Variants in KLHL32 observed in about 807,000 individuals in gnomAD.
The protein encoded by KLHL32 is kelch-like protein 32.
Under a neutral mutation model 64.8 loss-of-function variants are expected in KLHL32, and 35 were observed. The observed-to-expected ratio is 0.54, with a 90% confidence interval of 0.41 to 0.72. KLHL32 has a LOEUF of 0.72. Ranked by LOEUF, KLHL32 falls within the 30% of genes least tolerant of loss-of-function variation. The pLI is 0.00. For synonymous variants in KLHL32, 259 were observed against 281.0 expected, an observed-to-expected ratio of 0.92 and a Z score of 0.78; for missense variants, 589 against 768.5, an observed-to-expected ratio of 0.77 and a Z score of 2.76.
intron 3 of KLHL32, among the ~76,000 whole-genome samples, chr6:96,996,711 A>T (rs554138902): frequency 1.3e-5 from 2 of 152,142 alleles, no homozygotes; most frequent in Non-Finnish European, 2.9e-5. Flanking sequence ...AATAACAATA[A>T]TAACTAATTA....
chr6:96,933,872 G>C (rs992497260), intron 1 of KLHL32, among the ~76,000 whole-genome samples: 1 of 152,206 alleles, frequency 6.6e-6, no homozygotes, highest in Non-Finnish European at 1.5e-5. Context: ...TTACAGTTAG[G>C]CTAGGGGTTG....
chr6:97,123,033 T>C (rs1798521165), intron 7 of KLHL32, among the ~76,000 whole-genome samples: 1 of 152,224 alleles, frequency 6.6e-6, no homozygotes, highest in South Asian at 2.1e-4. Flanking sequence ...TCCCACTCTG[T>C]CCTGGTAGTG....
At chr6:97,081,171 G>A (rs1310460344) in intron 5 of KLHL32, among the ~76,000 whole-genome samples, 1 of 152,162 alleles carries the variant, frequency 6.6e-6, no homozygotes, top group African/African-American at 2.4e-5. Flanking sequence ...AAGGAGTGAG[G>A]GGGGAAAAGT....
intron 6 of KLHL32, among the ~76,000 whole-genome samples, chr6:97,097,293 C>T (rs2128191854): frequency 6.6e-6 from 1 of 152,268 alleles, no homozygotes; most frequent in African/African-American, 2.4e-5. Context: ...TGATTGAAAA[C>T]AATCAAGGCT....
intron 6 of KLHL32, among the ~76,000 whole-genome samples, chr6:97,102,027 C>A (rs982455938): frequency 6.6e-6 from 1 of 152,166 alleles, no homozygotes; most frequent in Non-Finnish European, 1.5e-5. Context: ...CATGTCTGAT[C>A]GCATTCAGTC....
chr6:97,038,278 A>G (rs1214196299), intron 3 of KLHL32, among the ~76,000 whole-genome samples: 3 of 152,166 alleles, frequency 2.0e-5, no homozygotes, highest in Non-Finnish European at 4.4e-5. Context: ...ACCATCTGAC[A>G]AGGGATTGAT....
rs1777244664 is a variant in KLHL32 at position 96,987,393 on chromosome 6, G to C, written c.204+11216G>C. 2.0e-5 allele frequency among the ~76,000 whole-genome samples: 3 copies of C among 152,118 alleles called. No individual in the cohort carries two copies. In the South Asian group the frequency reaches 6.2e-4, roughly 32 times the overall value. ...CACACTGCTTTGAATGTGTCCCAGA[G>C]ATTCTGGTATGTTGTGTCTTTGTTC... On this transcript the variant is annotated intron_variant, in intron 3 of 10. Transcript: ENST00000369261.
intron 5 of KLHL32, among the ~76,000 whole-genome samples, chr6:97,082,565 A>G (rs1792720159): frequency 6.6e-6 from 1 of 151,870 alleles, no homozygotes; most frequent in Non-Finnish European, 1.5e-5. Flanking sequence ...CTGAGCCAAG[A>G]TAGCACCACT....
intron 10 of KLHL32, among the ~76,000 whole-genome samples, chr6:97,133,037 A>C (rs1230756508): frequency 1.3e-5 from 2 of 152,214 alleles, no homozygotes; most frequent in Non-Finnish European, 2.9e-5. Context: ...TAAACCAAAA[A>C]ATTCTAAAAA....
intron 3 of KLHL32, among the ~76,000 whole-genome samples, chr6:97,031,250 C>T (rs1400856131): frequency 6.6e-6 from 1 of 152,116 alleles, no homozygotes; most frequent in African/African-American, 2.4e-5. Context: ...ATGTATTATA[C>T]CCAAGACATT....
At chr6:96,987,531 A>AG (rs1777265305) in intron 3 of KLHL32, among the ~76,000 whole-genome samples, 1 of 152,202 alleles carries the variant, frequency 6.6e-6, no homozygotes, top group African/African-American at 2.4e-5. Context: ...TACTGCCTGA[A>AG]GTAATTTATA....
chr6:97,031,103 T>A (rs1783473599), intron 3 of KLHL32, among the ~76,000 whole-genome samples: 1 of 152,164 alleles, frequency 6.6e-6, no homozygotes, highest in Admixed American at 6.5e-5. Flanking sequence ...CCTCCTGGTT[T>A]CTAGCAGGTC....
chr6:97,004,522 G>A (rs1045356217), intron 3 of KLHL32, among the ~76,000 whole-genome samples: 1 of 152,114 alleles, frequency 6.6e-6, no homozygotes, highest in Admixed American at 6.5e-5. Flanking sequence ...TGTTGAATAG[G>A]AGTGGTGAGA....
At chr6:97,020,521 G>C (rs1781844581) in intron 3 of KLHL32, among the ~76,000 whole-genome samples, 1 of 150,482 alleles carries the variant, frequency 6.6e-6, no homozygotes, top group African/African-American at 2.5e-5. Context: ...TTTCCTACTA[G>C]TACTATCAAC....
chr6:96,975,054 T>C (rs2179537), intron 2 of KLHL32, among the ~76,000 whole-genome samples: 63,583 of 152,106 alleles, frequency 0.42, 13,474 homozygotes, highest in South Asian at 0.54. Flanking sequence ...TTCCCGTTGA[T>C]ATAAGCTGGA....
intron 1 of KLHL32, among the ~76,000 whole-genome samples, chr6:96,930,601 A>C (rs1354724697): frequency 1.3e-5 from 2 of 152,010 alleles, no homozygotes; most frequent in South Asian, 4.2e-4. Context: ...ATGATGGTGG[A>C]ATTCATTTAA....
At chr6:97,001,058 A>G (rs982675300) in intron 3 of KLHL32, among the ~76,000 whole-genome samples, 1 of 152,220 alleles carries the variant, frequency 6.6e-6, no homozygotes, top group African/African-American at 2.4e-5. Context: ...AGCACAGGGG[A>G]TTTTTAAAGC....
rs752775219 is a variant in KLHL32, at chr6:96,966,984, C to T, written c.-65-12C>T. 2 of 1,371,310 alleles carry T rather than the reference C, an allele frequency of 1.5e-6. No homozygotes were observed. The highest frequency in any genetic ancestry group is 1.0e-6 in the Non-Finnish European group (1 of 964,366). The allele number at this position is 1,371,310 out of a possible 1,614,324, so 84.9% of individuals were successfully genotyped here. On this transcript the variant is annotated splice_polypyrimidine_tract_variant and intron_variant, in intron 1 of 10. Coordinates refer to ENST00000369261, the MANE Select transcript of KLHL32 (RefSeq NM_052904.4). ...AGCTCAATGCACCCTTTTCTCTTGT[C>T]TTTTTATTCAGCTGGAATGCTTGCT...
chr6:96,971,872 G>A (rs891606616), intron 2 of KLHL32, among the ~76,000 whole-genome samples: 2 of 152,108 alleles, frequency 1.3e-5, no homozygotes, highest in African/African-American at 4.8e-5. Context: ...CTGTTGTTGA[G>A]ACAGAGTTTC....
Sources: gnomAD v4.1 joint callset for allele counts (sites outside exome capture counted in the v4.1 genomes callset) on GRCh38, gnomAD v4.1.1 for gene constraint, MANE v1.5 for transcripts, NCBI Gene and HGNC (gene_info 2026-07-23, HGNC 2026-07-21) for gene names.